The following TAF4B variants were observed in gnomAD, a reference collection of about 807,000 sequenced individuals.
TAF4B encodes the protein TATA-box binding protein associated factor 4b.
TAF4B carries 38 observed loss-of-function variants against 86.4 expected under a neutral mutation model. That is an observed-to-expected ratio of 0.44 (90% confidence interval 0.34 to 0.58). The LOEUF is 0.58. Ranked by LOEUF, TAF4B falls within the 20% of genes least tolerant of loss-of-function variation. The pLI is 0.02. For missense variants in TAF4B, 988 were observed against 1,027.6 expected, an observed-to-expected ratio of 0.96 and a Z score of 0.53; for synonymous variants, 388 against 391.2, an observed-to-expected ratio of 0.99 and a Z score of 0.10.
intron 14 of TAF4B, among the ~76,000 whole-genome samples, chr18:26,385,054 G>A (rs564953075): frequency 1.8e-4 from 28 of 152,242 alleles, no homozygotes; most frequent in African/African-American, 5.5e-4. Flanking sequence ...GGAGAGGCCC[G>A]TATGGAGTCA....
At chr18:26,341,925 T>C (rs572179662) in intron 13 of TAF4B, among the ~76,000 whole-genome samples, 1 of 152,170 alleles carries the variant, frequency 6.6e-6, no homozygotes, top group East Asian at 1.9e-4. Flanking sequence ...TTGTTTTGTT[T>C]ATTTTAGCAT....
At chr18:26,306,936 C>T (rs1245360670) in intron 9 of TAF4B, among the ~76,000 whole-genome samples, 1 of 152,174 alleles carries the variant, frequency 6.6e-6, no homozygotes, top group Admixed American at 6.5e-5. Context: ...CGCCACCACA[C>T]CCGGCTAATT....
At chr18:26,227,751 A>G (rs1444225638) in intron 1 of TAF4B, among the ~76,000 whole-genome samples, 1 of 152,214 alleles carries the variant, frequency 6.6e-6, no homozygotes, top group Non-Finnish European at 1.5e-5. Flanking sequence ...TCCTGGGCCC[A>G]ATCGATCCTC....
intron 1 of TAF4B, among the ~76,000 whole-genome samples, chr18:26,243,056 T>C (rs139509910): frequency 0.074 from 11,335 of 152,246 alleles, 811 homozygotes; most frequent in African/African-American, 0.17. Flanking sequence ...CTGACAATTA[T>C]GTGTCTTGCA....
intron 9 of TAF4B, among the ~76,000 whole-genome samples, chr18:26,302,018 G>A (rs571437184): frequency 2.6e-5 from 4 of 152,234 alleles, no homozygotes; most frequent in South Asian, 4.1e-4. Flanking sequence ...TGGCTCCCTC[G>A]GCAGCTCTCT....
At chr18:26,275,448 G>T (rs1407004184) in intron 5 of TAF4B, among the ~76,000 whole-genome samples, 1 of 152,146 alleles carries the variant, frequency 6.6e-6, no homozygotes, top group African/African-American at 2.4e-5. Context: ...GAACCACCAA[G>T]CCCGGCCTGA....
chr18:26,348,338 CT>C (rs1463690147), intron 13 of TAF4B: 9 of 152,364 alleles, frequency 5.9e-5, no homozygotes, highest in African/African-American at 2.2e-4. Flanking sequence ...TTGTCCAAGC[CT>C]TACTAACCAT....
intron 1 of TAF4B, among the ~76,000 whole-genome samples, chr18:26,232,491 A>T (rs922236035): frequency 6.6e-6 from 1 of 152,154 alleles, no homozygotes; most frequent in African/African-American, 2.4e-5. Context: ...TGACAAGGAG[A>T]TTAAAAACAC....
At chr18:26,278,204 T>C (rs945199822) in intron 5 of TAF4B, among the ~76,000 whole-genome samples, 2 of 152,236 alleles carry the variant, frequency 1.3e-5, no homozygotes, top group Non-Finnish European at 2.9e-5. Flanking sequence ...TTTTGTTATA[T>C]ACAATATTAA....
intron 14 of TAF4B, among the ~76,000 whole-genome samples, chr18:26,361,768 A>AGGG (rs1567922437): frequency 6.7e-6 from 1 of 148,568 alleles, no homozygotes; most frequent in African/African-American, 2.5e-5. Context: ...AAAAAAAAGT[A>AGGG]TGGAAAAATT....
chr18:26,298,511 T>A, intron 9 of TAF4B, among the ~76,000 whole-genome samples: 1 of 149,376 alleles, frequency 6.7e-6, no homozygotes, highest in South Asian at 2.1e-4. Flanking sequence ...GGATTACAGG[T>A]GTGAGCCACC....
At chr18:26,318,943 C>T (rs965315006) in intron 10 of TAF4B, among the ~76,000 whole-genome samples, 1 of 152,238 alleles carries the variant, frequency 6.6e-6, no homozygotes, top group Non-Finnish European at 1.5e-5. Context: ...CCTGTAATCC[C>T]AGCACTTTGG....
intron 9 of TAF4B, chr18:26,295,208 T>C (rs865832802): frequency 7.2e-6 from 3 of 414,822 alleles, no homozygotes; most frequent in Admixed American, 2.7e-5. Flanking sequence ...TACTTTTATA[T>C]GCGTATATTA....
intron 13 of TAF4B, among the ~76,000 whole-genome samples, chr18:26,351,389 G>A (rs1436731220): frequency 6.6e-6 from 1 of 152,152 alleles, no homozygotes; most frequent in Non-Finnish European, 1.5e-5. Context: ...AGGGGATAGG[G>A]AAAGATTTGT....
Position 26,227,137 on chromosome 18 carries a change from C to G in TAF4B, c.204C>G (p.Thr68=), listed in dbSNP as rs746040332. The change falls in exon 1 of 15, where the codon ACC becomes ACG. Residue 68 remains threonine, a synonymous_variant. Coordinates refer to ENST00000269142, the MANE Select transcript of TAF4B (RefSeq NM_005640.3). ...AGCCCCTGCGGTCCCCCGTGGGGAC[C>G]CTGGTGACCAAAGTGGCTCCGGTCA... The part of the protein sequence containing the change: ...ASQPLRSPVG[T]LVTKVAPVSA... The G allele has an allele frequency of 5.6e-6, 9 of 1,613,896 alleles. No homozygotes were observed. Among genetic ancestry groups the G allele is most frequent in the Non-Finnish European group, 7.6e-6 (9 of 1,179,916 alleles).
chr18:26,259,969 T>C (rs1435012517), intron 1 of TAF4B, among the ~76,000 whole-genome samples: 2 of 152,296 alleles, frequency 1.3e-5, no homozygotes, highest in Non-Finnish European at 2.9e-5. Flanking sequence ...TTTTAATGAT[T>C]GCCATTCTAA....
chr18:26,344,732 G>A (rs2144712460), intron 13 of TAF4B, among the ~76,000 whole-genome samples: 1 of 152,328 alleles, frequency 6.6e-6, no homozygotes. Context: ...GAGATGCCTG[G>A]TGCTTGTTTC....
chr18:26,253,097 A>G (rs1353829490), intron 1 of TAF4B, among the ~76,000 whole-genome samples: 1 of 152,148 alleles, frequency 6.6e-6, no homozygotes, highest in African/African-American at 2.4e-5. Flanking sequence ...ATAATGTTGA[A>G]CAAAAGTAGT....
intron 13 of TAF4B, among the ~76,000 whole-genome samples, chr18:26,342,475 T>C (rs984257398): frequency 6.6e-6 from 1 of 152,228 alleles, no homozygotes; most frequent in Non-Finnish European, 1.5e-5. Flanking sequence ...CTGTTTTCAA[T>C]AGTTTTTAAT....
Sources: allele counts gnomAD v4.1 joint callset (sites outside exome capture counted in the v4.1 genomes callset), GRCh38; gene constraint gnomAD v4.1.1; transcripts MANE v1.5; gene names NCBI Gene and HGNC (gene_info 2026-07-23, HGNC 2026-07-21).